TAOK3: variants seen among roughly 807,000 people sequenced by gnomAD.
TAOK3 encodes serine/threonine-protein kinase TAO3.
Under a neutral mutation model 120.4 loss-of-function variants are expected in TAOK3, and 40 were observed. The observed-to-expected ratio is 0.33, with a 90% CI of 0.26 to 0.43. The LOEUF (loss-of-function observed/expected upper bound fraction) is 0.43. Ranked by LOEUF, TAOK3 falls within the 20% of genes least tolerant of loss-of-function variation. TAOK3 has a pLI of 1.00. For missense variants in TAOK3, 821 were observed against 1,112.1 expected, an observed-to-expected ratio of 0.74 and a Z score of 3.72; for synonymous variants, 355 against 387.5, an observed-to-expected ratio of 0.92 and a Z score of 0.99.
intron 11 of TAOK3, among the ~76,000 whole-genome samples, chr12:118,208,545 A>C (rs1489947302): frequency 6.6e-6 from 1 of 152,158 alleles, no homozygotes; most frequent in Non-Finnish European, 1.5e-5. Flanking sequence ...ATAGTGAGAA[A>C]AGTTTTCACT....
At chr12:118,153,847 T>A (rs77008652) in intron 19 of TAOK3, among the ~76,000 whole-genome samples, 1 of 152,374 alleles carries the variant, frequency 6.6e-6, no homozygotes, top group East Asian at 1.9e-4. Flanking sequence ...GTTATTTGCA[T>A]GTATCTTCTT....
At chr12:118,248,853 A>T (rs1354177701) in intron 3 of TAOK3, among the ~76,000 whole-genome samples, 1 of 152,144 alleles carries the variant, frequency 6.6e-6, no homozygotes, top group East Asian at 1.9e-4. Context: ...CAGAGACTTG[A>T]AATTTGAAAA....
At chr12:118,361,775 A>T (rs1197168976) in intron 1 of TAOK3, among the ~76,000 whole-genome samples, 1 of 151,178 alleles carries the variant, frequency 6.6e-6, no homozygotes, top group Non-Finnish European at 1.5e-5. Context: ...TTATTTCCTT[A>T]TTATTTTTAA....
intron 1 of TAOK3, among the ~76,000 whole-genome samples, chr12:118,310,738 T>C (rs1046912630): frequency 6.6e-6 from 1 of 152,184 alleles, no homozygotes; most frequent in African/African-American, 2.4e-5. Context: ...TGCTTGGTGA[T>C]GTTGGTAGCT....
chr12:118,353,434 T>C (rs541340582), intron 1 of TAOK3, among the ~76,000 whole-genome samples: 1 of 151,942 alleles, frequency 6.6e-6, no homozygotes, highest in East Asian at 1.9e-4. Context: ...AGGCCCAAGA[T>C]CATAGGAAAT....
chr12:118,329,005 A>T (rs993663926), intron 1 of TAOK3, among the ~76,000 whole-genome samples: 1 of 152,230 alleles, frequency 6.6e-6, no homozygotes, highest in African/African-American at 2.4e-5. Context: ...GCATCTAGTG[A>T]GAAAGCAAGC....
In TAOK3 at chr12:118,230,460, G is replaced by GTTTT. The variant is rs71069433; in HGVS notation, c.643+3210_643+3213dup. On this transcript the variant is annotated intron_variant, in intron 9 of 20. Transcript: ENST00000392533. ...GACTTCTGGGATTACCCTGTGAAGTGTTTTTTTTTTTTTTTTTTTTTTTTT... is the reference window on the plus strand; with the variant it reads ...GACTTCTGGGATTACCCTGTGAAGTGTTTTTTTTTTTTTTTTTTTTTTTTTTTTT... Among the ~76,000 whole-genome samples, 30 of 50,036 alleles carry GTTTT rather than the reference G, an allele frequency of 6.0e-4. 5 individuals carry two copies. Among genetic ancestry groups the GTTTT allele is most frequent in the Non-Finnish European group, 8.0e-4 (22 of 27,598 alleles). The allele number at this position is 50,036 out of a possible 152,430, so 32.8% of individuals were successfully genotyped here. A position where few individuals can be genotyped will look rare whatever the true frequency, so the allele number is the denominator to read the frequency against.
chr12:118,221,796 G>A (rs1014984009), intron 9 of TAOK3, among the ~76,000 whole-genome samples: 1 of 151,514 alleles, frequency 6.6e-6, no homozygotes, highest in Non-Finnish European at 1.5e-5. Context: ...CACCACGCCC[G>A]GCTAATTTTT....
At chr12:118,258,630 T>A (rs1455203382) in intron 2 of TAOK3, among the ~76,000 whole-genome samples, 2 of 151,516 alleles carry the variant, frequency 1.3e-5, no homozygotes, top group African/African-American at 2.4e-5. Context: ...GAGAATTGCT[T>A]GAATCTGGGA....
intron 1 of TAOK3, among the ~76,000 whole-genome samples, chr12:118,305,904 C>CAA (rs71450271): frequency 6.6e-4 from 38 of 58,012 alleles, no homozygotes; most frequent in South Asian, 1.1e-3. Context: ...GACTCCGTCT[C>CAA]AAAAAAAAAA....
At chr12:118,260,895 G>A (rs1706383215) in intron 2 of TAOK3, among the ~76,000 whole-genome samples, 1 of 152,092 alleles carries the variant, frequency 6.6e-6, no homozygotes, top group Non-Finnish European at 1.5e-5. Context: ...TGGCCAGGCT[G>A]GTCTCAAACT....
At chr12:118,257,975 TA>T (rs1460304668) in intron 2 of TAOK3, among the ~76,000 whole-genome samples, 1 of 152,166 alleles carries the variant, frequency 6.6e-6, no homozygotes, top group Non-Finnish European at 1.5e-5. Flanking sequence ...ACACAAATGA[TA>T]AAGTGGTTTT....
At chr12:118,270,691 T>G (rs868859645) in intron 1 of TAOK3, among the ~76,000 whole-genome samples, 624 of 149,352 alleles carry the variant, frequency 4.2e-3, no homozygotes, top group Non-Finnish European at 7.7e-3. Context: ...TTTTTTTTTT[T>G]GAGACAAAGT....
chr12:118,291,808 T>C (rs764262174), intron 1 of TAOK3, among the ~76,000 whole-genome samples: 1 of 152,102 alleles, frequency 6.6e-6, no homozygotes, highest in African/African-American at 2.4e-5. Flanking sequence ...ATACTACATA[T>C]GAAATGAAAA....
intron 1 of TAOK3, among the ~76,000 whole-genome samples, chr12:118,351,481 T>A (rs1003683824): frequency 6.6e-6 from 1 of 152,182 alleles, no homozygotes; most frequent in African/African-American, 2.4e-5. Flanking sequence ...TAGCCAAGCA[T>A]CAAAACAAAC....
chr12:118,187,959 T>C (rs933697244), intron 14 of TAOK3, among the ~76,000 whole-genome samples: 10 of 152,112 alleles, frequency 6.6e-5, no homozygotes, highest in Admixed American at 6.5e-4. Context: ...ATGGCTGATA[T>C]ACACACAGAG....
intron 17 of TAOK3, among the ~76,000 whole-genome samples, chr12:118,166,827 T>TATAC (rs774334586): frequency 3.7e-4 from 55 of 146,718 alleles, no homozygotes; most frequent in Admixed American, 6.7e-4. Flanking sequence ...TATATATATA[T>TATAC]ACACACACAC....
intron 8 of TAOK3, among the ~76,000 whole-genome samples, chr12:118,234,687 C>A (rs973436931): frequency 6.6e-6 from 1 of 152,132 alleles, no homozygotes; most frequent in Non-Finnish European, 1.5e-5. Flanking sequence ...GGATTACAGG[C>A]ATAGGCCACC....
At chr12:118,308,525 G>C (rs1344589513) in intron 1 of TAOK3, among the ~76,000 whole-genome samples, 1 of 152,070 alleles carries the variant, frequency 6.6e-6, no homozygotes, top group African/African-American at 2.4e-5. Context: ...TGATTTTTAT[G>C]AGTGTCATCT....
Sources: allele counts gnomAD v4.1 joint callset (sites outside exome capture counted in the v4.1 genomes callset), GRCh38; gene constraint gnomAD v4.1.1; transcripts MANE v1.5; gene names NCBI Gene and HGNC (gene_info 2026-07-23, HGNC 2026-07-21).